Variants in MGAM observed in about 807,000 individuals in gnomAD.
MGAM encodes the protein alpha-1,4-glucosidase.
A neutral mutation model predicts 358.8 loss-of-function variants in MGAM; 253 were observed. That is an observed-to-expected ratio of 0.71 (90% CI 0.64 to 0.78). The LOEUF (loss-of-function observed/expected upper bound fraction) is 0.78. Among genes scored for constraint, MGAM ranks in the 30% least tolerant of loss-of-function variants. MGAM has a pLI of 0.00. For missense variants in MGAM, 3,080 were observed against 3,432.6 expected (o/e 0.90, Z 2.57); for synonymous variants, 1,105 against 1,227.1 (o/e 0.90, Z 2.08).
intron 21 of MGAM, among the ~76,000 whole-genome samples, chr7:142,044,823 ATATGATATATAATGTATAT>A: frequency 1.4e-5 from 1 of 70,402 alleles, no homozygotes; most frequent in East Asian, 3.0e-4. Context: ...CACGTGTAAT[ATATGATATATAATGTATAT>A]TACATACACG....
At chr7:142,075,058 A>G (rs1813629878) in intron 45 of MGAM, among the ~76,000 whole-genome samples, 1 of 146,252 alleles carries the variant, frequency 6.8e-6, no homozygotes, top group Admixed American at 6.9e-5. Context: ...CTAAGAGATG[A>G]ACTTTTTTAG....
chr7:142,103,410 C>A lies in MGAM; in HGVS notation c.8155C>A (p.Pro2719Thr). The A allele has an allele frequency of 1.9e-6, 3 of 1,608,508 alleles. No homozygotes were observed. Among genetic ancestry groups the A allele is most frequent in the Non-Finnish European group, 2.5e-6 (3 of 1,178,066 alleles). ...CTCTGTGAGTGGCATGGTCATAACA[C>A]CCTCCTTCAACAATGACCCCACGAC... ...SISVSGMVIT[P>T]SFNNDPTTQV... is the part of the protein sequence containing the mutation. The change falls in exon 70 of 71, where the codon CCC becomes ACC. Residue 2719 changes from proline (P) to threonine (T), a missense_variant. Physicochemically the swap from Pro to Thr is conservative, Grantham distance 38. This residue lies in a region of MGAM where 194 missense variants were observed against 172.8 expected (regional missense o/e 1.12). Transcript: ENST00000475668.
At chr7:142,102,832 A>G (rs750758921) in intron 69 of MGAM, among the ~76,000 whole-genome samples, 153 bp downstream of exon 69, 7 of 152,198 alleles carry the variant, frequency 4.6e-5, no homozygotes, top group Non-Finnish European at 8.8e-5. Flanking sequence ...GTGGAAATTT[A>G]CTATGCTCCC....
intron 21 of MGAM, among the ~76,000 whole-genome samples, chr7:142,044,279 A>C (rs1282720372): frequency 2.1e-5 from 2 of 97,002 alleles, no homozygotes; most frequent in Non-Finnish European, 5.0e-5. Flanking sequence ...CATTATATAC[A>C]CATACGACAT....
chr7:142,043,796 A>G (rs1809475058), intron 21 of MGAM, among the ~76,000 whole-genome samples: 2 of 98,506 alleles, frequency 2.0e-5, no homozygotes, highest in African/African-American at 5.9e-5. Flanking sequence ...GACATATAAT[A>G]TATACATTAT....
In MGAM at chr7:142,055,698, G is replaced by A. The variant is rs772211918; in HGVS notation, c.3455G>A (p.Gly1152Glu). The A allele has an allele frequency of 6.2e-7, 1 of 1,613,890 alleles. No individual in the cohort carries two copies. Among genetic ancestry groups the A allele is most frequent in the South Asian group, 1.1e-5 (1 of 91,068 alleles). Residue 1152 changes from glycine to glutamate, a missense_variant, in exon 28 of 71, where the codon GGG becomes GAG. Transcript: ENST00000475668. ...AGAGACTTGGAGTGGCACACTTGGG[G>A]GATGTTCTCCCGAGACCAGCCCCCA... ...YRRDLEWHTW[G>E]MFSRDQPPGY...
In MGAM at chr7:142,090,391, C is replaced by A. The variant is rs950871312; in HGVS notation, c.6811-1522C>A. Among the ~76,000 whole-genome samples the A allele has an allele frequency of 2.8e-5, 4 of 145,176 alleles. 1 individual carries two copies. Among genetic ancestry groups the A allele is most frequent in the Non-Finnish European group, 6.2e-5 (4 of 64,204 alleles). ...CCCGTCGTTTCTAACCCTTCCTGAT[C>A]TGGAGCTCTCTGTTTCTGGTGAAAG... On this transcript the variant is annotated intron_variant, in intron 57 of 70. Coordinates refer to ENST00000475668, the MANE Select transcript of MGAM (RefSeq NM_001365693.1).
At chr7:142,065,901 G>T (rs1490322275) in intron 40 of MGAM, 70 bp downstream of exon 40, 1 of 1,188,928 alleles carries the variant, frequency 8.4e-7, no homozygotes, top group Non-Finnish European at 1.2e-6. Flanking sequence ...TGTGCTAAAA[G>T]TAATGCAGTC....
At chr7:142,056,347 A>C (rs1235379283) in intron 29 of MGAM, among the ~76,000 whole-genome samples, 1 of 152,226 alleles carries the variant, frequency 6.6e-6, no homozygotes, top group East Asian at 1.9e-4. Flanking sequence ...GGTCCCAAAT[A>C]TCCTGGAGGG....
intron 40 of MGAM, 21 bp downstream of exon 40, chr7:142,065,852 T>G (rs1812683979): frequency 6.8e-7 from 1 of 1,466,492 alleles, no homozygotes; most frequent in African/African-American, 1.4e-5. Flanking sequence ...GGCTTCTACC[T>G]CCACTGTTTT....
At chr7:142,049,891 T>C (rs1443428062) in intron 22 of MGAM, among the ~76,000 whole-genome samples, 3 of 152,202 alleles carry the variant, frequency 2.0e-5, no homozygotes, top group African/African-American at 7.2e-5. Context: ...AGTATGCATG[T>C]TCCTCAAAAA....
At chr7:141,992,604 G>A (rs947846242), upstream of MGAM, among the ~76,000 whole-genome samples, 6 of 152,016 alleles carry the variant, frequency 3.9e-5, no homozygotes, top group African/African-American at 1.5e-4. Flanking sequence ...TTTTATTGAG[G>A]CAGGCTCTCA....
At chr7:141,992,830 G>A (rs1804006052), upstream of MGAM, among the ~76,000 whole-genome samples, 3 of 152,066 alleles carry the variant, frequency 2.0e-5, no homozygotes, top group South Asian at 2.1e-4. Flanking sequence ...TGATCTTCTC[G>A]TCTTGGCCTC....
intron 18 of MGAM, 118 bp from the exon 19 acceptor site, chr7:142,038,412 TG>T (rs916315897): frequency 2.7e-5 from 19 of 702,426 alleles, no homozygotes; most frequent in Non-Finnish European, 3.9e-5. Context: ...CAGAATAATT[TG>T]GGGGGTTTGC....
chr7:142,097,724 A>T, intron 66 of MGAM, 75 bp downstream of exon 66: 1 of 1,462,810 alleles, frequency 6.8e-7, no homozygotes, highest in Non-Finnish European at 9.5e-7. Context: ...GATAGACCTT[A>T]GGTCAAATGC....
intron 18 of MGAM, among the ~76,000 whole-genome samples, chr7:142,038,008 A>AC (rs1189804472): frequency 4.6e-5 from 7 of 151,156 alleles, no homozygotes; most frequent in Admixed American, 4.0e-4. Context: ...CTTTCTAACT[A>AC]TTTTTTTTTG....
chr7:142,043,610 T>C (rs1321608081), intron 21 of MGAM, among the ~76,000 whole-genome samples: 1 of 127,660 alleles, frequency 7.8e-6, no homozygotes, highest in African/African-American at 3.1e-5. Flanking sequence ...ATATAATATC[T>C]AATATATAAT....
intron 21 of MGAM, among the ~76,000 whole-genome samples, chr7:142,041,948 A>AT (rs1491273969): frequency 6.7e-5 from 1 of 14,908 alleles, no homozygotes; most frequent in Non-Finnish European, 1.4e-4. Flanking sequence ...TTATATATAT[A>AT]CATATATATA....
intron 60 of MGAM, 150 bp downstream of exon 60, chr7:142,093,700 T>A: frequency 1.0e-6 from 1 of 972,602 alleles, no homozygotes; most frequent in Non-Finnish European, 1.5e-6. Flanking sequence ...GATAAACACT[T>A]AGTGACATGG....
Sources: gnomAD v4.1 joint callset for allele counts (sites outside exome capture counted in the v4.1 genomes callset) on GRCh38, gnomAD v4.1.1 for gene constraint, gnomAD v4.1.1 regional missense constraint, MANE v1.5 for transcripts, NCBI Gene and HGNC (gene_info 2026-07-23, HGNC 2026-07-21) for gene names.